Variants in NAALADL2 observed in about 807,000 individuals in gnomAD.
NAALADL2 encodes the protein inactive N-acetylated-alpha-linked acidic dipeptidase-like protein 2.
In NAALADL2, 76 loss-of-function variants were observed where a neutral mutation model predicts 87.2. That is an observed-to-expected ratio of 0.87 (90% CI 0.72 to 1.05). NAALADL2 has a LOEUF of 1.05. NAALADL2 is among the 50% of genes least tolerant of loss of function. The probability of loss-of-function intolerance (pLI) is 0.00; values close to 1 mark genes in which losing one functional copy is unlikely to be tolerated. For missense variants in NAALADL2, 1,089 were observed against 945.8 expected, an observed-to-expected ratio of 1.15 and a Z score of -1.99; for synonymous variants, 354 against 331.0, an observed-to-expected ratio of 1.07 and a Z score of -0.75.
At position 175,364,283 on chromosome 3, in the gene NAALADL2, G is replaced by A. The variant is rs368406610; in HGVS notation, c.1090+39958G>A. The stretch of plus-strand genomic sequence containing the variant: ...CAGAAAATATGTCTTTTTCCTCTGC[G>A]TAAAACAAAACCAAAAGAACAGTTC... On this transcript the variant is annotated intron_variant, in intron 5 of 13. Transcript: ENST00000454872. Among the ~76,000 whole-genome samples, 12 of 147,316 alleles carry A rather than the reference G, an allele frequency of 8.1e-5. 2 individuals are homozygous for A. The highest frequency in any genetic ancestry group is 1.4e-4 in the Admixed American group (2 of 14,298).
At chr3:174,518,480 G>A (rs1720067167) in intron 1 of NAALADL2, among the ~76,000 whole-genome samples, 1 of 152,076 alleles carries the variant, frequency 6.6e-6, no homozygotes, top group South Asian at 2.1e-4. Context: ...TGCTTGTAGT[G>A]TTTCCAAGTC....
At chr3:175,677,103 G>A (rs1468993150) in intron 11 of NAALADL2, among the ~76,000 whole-genome samples, 3 of 152,064 alleles carry the variant, frequency 2.0e-5, no homozygotes, top group Non-Finnish European at 2.9e-5. Context: ...GGTGGTTCAC[G>A]CCTATAATCC....
chr3:175,309,775 T>C (rs932304795), intron 4 of NAALADL2, among the ~76,000 whole-genome samples: 2 of 152,216 alleles, frequency 1.3e-5, no homozygotes, highest in Non-Finnish European at 2.9e-5. Flanking sequence ...ATTTGCATAT[T>C]ACGTAGCATT....
At chr3:174,987,827 T>TTTTATA (rs1746172579) in intron 1 of NAALADL2, among the ~76,000 whole-genome samples, 1 of 130,578 alleles carries the variant, frequency 7.7e-6, no homozygotes, top group African/African-American at 3.7e-5. Context: ...TATATATATA[T>TTTTATA]AATGAGACCT....
At chr3:174,839,555 A>G (rs1236570342) in intron 3 of NAALADL2, among the ~76,000 whole-genome samples, 1 of 152,162 alleles carries the variant, frequency 6.6e-6, no homozygotes, top group Non-Finnish European at 1.5e-5. Context: ...GAGTAACCAG[A>G]CAACCCACAG....
At chr3:175,432,854 T>G (rs1717993566) in intron 5 of NAALADL2, among the ~76,000 whole-genome samples, 1 of 152,104 alleles carries the variant, frequency 6.6e-6, no homozygotes, top group Non-Finnish European at 1.5e-5. Flanking sequence ...CATGGGAATG[T>G]GTTCTGATAG....
chr3:175,108,698 T>C (rs1723666815), intron 2 of NAALADL2, among the ~76,000 whole-genome samples: 1 of 151,994 alleles, frequency 6.6e-6, no homozygotes, highest in Non-Finnish European at 1.5e-5. Context: ...TGTAACTTGA[T>C]GAAACACATC....
At chr3:174,465,159 A>G (rs1220449374) in intron 1 of NAALADL2, among the ~76,000 whole-genome samples, 1 of 152,052 alleles carries the variant, frequency 6.6e-6, no homozygotes, top group African/African-American at 2.4e-5. Context: ...CCTTAAAGAG[A>G]TTGAGTATAT....
At chr3:175,749,169 G>A (rs1358073920) in intron 12 of NAALADL2, among the ~76,000 whole-genome samples, 2 of 105,230 alleles carry the variant, frequency 1.9e-5, no homozygotes, top group Non-Finnish European at 3.8e-5. Context: ...GGGGAAGGGA[G>A]GGGAGGAGAA....
chr3:175,791,425 CT>C (rs1752761732), intron 13 of NAALADL2, among the ~76,000 whole-genome samples: 1 of 152,126 alleles, frequency 6.6e-6, no homozygotes, highest in African/African-American at 2.4e-5. Context: ...GGCATGTGCC[CT>C]AAGCTTAGCT....
intron 1 of NAALADL2, among the ~76,000 whole-genome samples, chr3:175,083,805 A>G (rs1419256369): frequency 6.6e-6 from 1 of 152,160 alleles, no homozygotes; most frequent in Non-Finnish European, 1.5e-5. Context: ...TAAAATGACA[A>G]TTATCTGACC....
At chr3:174,615,933 T>G (rs947145671) in intron 2 of NAALADL2, among the ~76,000 whole-genome samples, 1 of 152,174 alleles carries the variant, frequency 6.6e-6, no homozygotes, top group African/African-American at 2.4e-5. Flanking sequence ...TGAAATCAAA[T>G]TCTTATACAG....
intron 1 of NAALADL2, among the ~76,000 whole-genome samples, chr3:174,548,212 T>G (rs1404312881): frequency 6.6e-6 from 1 of 152,122 alleles, no homozygotes; most frequent in Non-Finnish European, 1.5e-5. Flanking sequence ...TTTAAATAAA[T>G]TTTGGTGAAA....
chr3:175,351,254 G>C (rs1398084122), intron 5 of NAALADL2, among the ~76,000 whole-genome samples: 1 of 151,864 alleles, frequency 6.6e-6, no homozygotes, highest in African/African-American at 2.4e-5. Flanking sequence ...AAAAATAGCT[G>C]TGCATTTCTC....
chr3:175,261,652 GT>G (rs1336177960), intron 4 of NAALADL2, among the ~76,000 whole-genome samples: 2 of 151,912 alleles, frequency 1.3e-5, no homozygotes, highest in African/African-American at 4.8e-5. Flanking sequence ...ATATTAGCTA[GT>G]TTTTTCATTA....
intron 2 of NAALADL2, among the ~76,000 whole-genome samples, chr3:175,200,249 T>C (rs982873993): frequency 1.3e-5 from 2 of 152,108 alleles, no homozygotes; most frequent in Non-Finnish European, 2.9e-5. Flanking sequence ...TGATCTTGAT[T>C]GTAGCCTGAG....
Position 175,803,140 on chromosome 3 carries a change from A to C in NAALADL2, c.2325A>C (p.Ser775=). 1 of 1,612,354 alleles carries C rather than the reference A, an allele frequency of 6.2e-7. No homozygotes were observed. ...CAGAGGTGTTGAACAGCATTAATTCAGCTCAGGTTTACTTCAAAGCAGGAC... is the reference window on the plus strand; with the variant it reads ...CAGAGGTGTTGAACAGCATTAATTCCGCTCAGGTTTACTTCAAAGCAGGAC... ...ALSEVLNSIN[S]AQVYFKAGLD... The change falls in exon 14 of 14, where the codon TCA becomes TCC. Residue 775 remains serine, a synonymous_variant. Transcript: ENST00000454872.
At chr3:174,538,853 C>T (rs961717217) in intron 1 of NAALADL2, among the ~76,000 whole-genome samples, 4 of 152,080 alleles carry the variant, frequency 2.6e-5, no homozygotes, top group Non-Finnish European at 5.9e-5. Flanking sequence ...GTTGTCCTGC[C>T]TTTATGGACT....
intron 1 of NAALADL2, among the ~76,000 whole-genome samples, chr3:175,039,165 T>C (rs1374266328): frequency 6.6e-6 from 1 of 152,054 alleles, no homozygotes; most frequent in Non-Finnish European, 1.5e-5. Context: ...CAAGGTTCTG[T>C]TGTTTGTTTT....
Sources: allele counts gnomAD v4.1 joint callset (sites outside exome capture counted in the v4.1 genomes callset), GRCh38; gene constraint gnomAD v4.1.1; transcripts MANE v1.5; gene names NCBI Gene and HGNC (gene_info 2026-07-23, HGNC 2026-07-21).